ZHX3: variants seen among roughly 807,000 people sequenced by gnomAD.
ZHX3 encodes zinc fingers and homeoboxes protein 3.
Under a neutral mutation model 64.5 loss-of-function variants are expected in ZHX3, and 20 were observed. The ratio of observed to expected loss-of-function variants is 0.31; its 90% CI spans 0.22 to 0.45. ZHX3 has a LOEUF of 0.45. Ranked by LOEUF, ZHX3 falls within the 20% of genes least tolerant of loss-of-function variation. The pLI is 1.00. For synonymous variants in ZHX3, 423 were observed against 461.6 expected (o/e 0.92, Z 1.07); for missense variants, 1,041 against 1,195.8 (o/e 0.87, Z 1.91).
intron 1 of ZHX3, among the ~76,000 whole-genome samples, chr20:41,296,583 G>A (rs1287899142): frequency 2.6e-5 from 4 of 151,988 alleles, no homozygotes; most frequent in Non-Finnish European, 5.9e-5. Flanking sequence ...ACGTGCACAT[G>A]AGCTCTGCCC....
chr20:41,277,108 C>G (rs2043420052), intron 1 of ZHX3, among the ~76,000 whole-genome samples: 2 of 152,168 alleles, frequency 1.3e-5, no homozygotes, highest in Non-Finnish European at 2.9e-5. Context: ...AGGAACTTTT[C>G]TAGAGTGGCA....
intron 2 of ZHX3, among the ~76,000 whole-genome samples, chr20:41,252,139 C>T (rs1049299604): frequency 1.3e-5 from 2 of 152,144 alleles, no homozygotes; most frequent in African/African-American, 2.4e-5. Context: ...GCTGTCTATA[C>T]CTGCCTTACC....
intron 1 of ZHX3, among the ~76,000 whole-genome samples, chr20:41,287,083 C>T (rs908141362): frequency 1.3e-5 from 2 of 152,160 alleles, no homozygotes; most frequent in Non-Finnish European, 2.9e-5. Context: ...GACTAATACA[C>T]GTGAACTCTG....
chr20:41,274,572 GT>G (rs2043295884), intron 1 of ZHX3, among the ~76,000 whole-genome samples: 1 of 152,154 alleles, frequency 6.6e-6, no homozygotes, highest in Non-Finnish European at 1.5e-5. Flanking sequence ...GATACAATCT[GT>G]TTTTTGCTCA....
intron 2 of ZHX3, among the ~76,000 whole-genome samples, chr20:41,221,368 GT>G (rs2039934473): frequency 6.6e-6 from 1 of 152,166 alleles, no homozygotes; most frequent in African/African-American, 2.4e-5. Flanking sequence ...ACCAGGACTT[GT>G]ACCAAAATAC....
chr20:41,205,373 T>C (rs2038616486), intron 2 of ZHX3, among the ~76,000 whole-genome samples: 1 of 152,202 alleles, frequency 6.6e-6, no homozygotes, highest in South Asian at 2.1e-4. Context: ...AACGCCCTCT[T>C]TTTGGACCTC....
chr20:41,296,232 TAAAAAAAAAAAAAAAAAAAAAAAAA>T (rs57987896), intron 1 of ZHX3, among the ~76,000 whole-genome samples: 2 of 72,972 alleles, frequency 2.7e-5, no homozygotes, highest in Non-Finnish European at 6.0e-5. Flanking sequence ...GTTCATAAAG[TAAAAAAAAAAAAAAAAAAAAAAAAA>T]AAAAAAAAAA....
At position 41,202,950 on chromosome 20, in the gene ZHX3, A is replaced by C; in HGVS notation, c.1967T>G (p.Ile656Ser). ...RSETKMTRRE[I>S]DSWFSERRKK... ...CCGTCTCTCTGAAAACCAGCTATCA[A>C]TTTCTCGTCGGGTCATTTTGGTTTC... Residue 656 changes from isoleucine to serine, a missense_variant, in exon 3 of 4, where the codon ATT (isoleucine) becomes AGT (serine). By Grantham distance (142) the Ile-to-Ser change is moderately radical. Transcript: ENST00000683867. The surrounding 1 kb of genome is among the most constrained non-coding windows in gnomAD (Gnocchi z 7.0). The C allele has an allele frequency of 6.2e-7, 1 of 1,613,722 alleles. No homozygotes were observed. The highest frequency in any genetic ancestry group is 8.5e-7 in the Non-Finnish European group (1 of 1,179,938).
At chr20:41,220,230 A>G (rs1568846392) in intron 2 of ZHX3, among the ~76,000 whole-genome samples, 1 of 152,316 alleles carries the variant, frequency 6.6e-6, no homozygotes, top group East Asian at 1.9e-4. Flanking sequence ...GGCCTCATAG[A>G]GGAGGTTGCT....
At position 41,204,043 on chromosome 20, in the gene ZHX3, T is replaced by C. The variant is rs145301416; in HGVS notation, c.874A>G (p.Thr292Ala). 8.9e-5 allele frequency: 144 copies of C among 1,613,746 alleles called. No homozygotes were observed. The highest frequency in any genetic ancestry group is 1.1e-4 in the Non-Finnish European group (129 of 1,179,832). Residue 292 changes from threonine (T) to alanine (A), a missense_variant, in exon 3 of 4, where the codon ACG becomes GCG. This residue lies in a region of ZHX3 where 358 missense variants were observed against 369.1 expected (regional missense o/e 0.97). Coordinates refer to ENST00000683867, the MANE Select transcript of ZHX3 (RefSeq NM_001384317.1). The surrounding 1 kb of genome is among the most constrained non-coding windows in gnomAD (Gnocchi z 6.6). The stretch of plus-strand genomic sequence containing the variant: ...ATCACTTTGGGAAGGGCCTTGGCCG[T>C]GGGCAGTGGCTGGTGGACATGGTGT... ...AQHHVHQPLPTAKALPKVMIP... is the reference protein window; with the variant it reads ...AQHHVHQPLPAAKALPKVMIP...
rs190217848 is a variant in ZHX3 at position 41,233,016 on chromosome 20, G to A, written c.-150-27950C>T. ...ACATCCATCTTTATCAAGCACCTGC[G>A]ATGCATTTCTCCCTGTTACCAGGAG... On this transcript the variant is annotated intron_variant, in intron 2 of 3. Transcript: ENST00000683867. 6.0e-3 allele frequency among the ~76,000 whole-genome samples: 914 copies of A among 152,308 alleles called. 6 individuals carry two copies. The highest frequency in any genetic ancestry group is 0.01 in the Middle Eastern group (3 of 294).
At chr20:41,260,000 G>A (rs2042474485) in intron 2 of ZHX3, among the ~76,000 whole-genome samples, 1 of 152,064 alleles carries the variant, frequency 6.6e-6, no homozygotes, top group Non-Finnish European at 1.5e-5. Flanking sequence ...TGCCCAGAAT[G>A]GAATGATAGT....
At chr20:41,247,231 G>A (rs1365506184) in intron 2 of ZHX3, among the ~76,000 whole-genome samples, 2 of 152,174 alleles carry the variant, frequency 1.3e-5, no homozygotes, top group Non-Finnish European at 1.5e-5. Flanking sequence ...TCATGCCACC[G>A]CACTCCAGCC....
In ZHX3 at chr20:41,193,221, T is replaced by C. The variant is rs74273534; in HGVS notation, c.2861-8020A>G. On this transcript the variant is annotated intron_variant, in intron 3 of 3. Transcript: ENST00000683867. ...TGTAAAAATGCGACTATGCTTTTGA[T>C]AGATTTTACATTGACTCTGTAGTTT... Among the ~76,000 whole-genome samples, 6,328 of 152,346 alleles carry C rather than the reference T, an allele frequency of 0.042. 766 individuals are homozygous for C. In the East Asian group the frequency reaches 0.48, roughly 12 times the overall value.
At chr20:41,240,419 T>C (rs977199673) in intron 2 of ZHX3, among the ~76,000 whole-genome samples, 1 of 152,202 alleles carries the variant, frequency 6.6e-6, no homozygotes, top group African/African-American at 2.4e-5. Context: ...TGTAGGTACA[T>C]GGTAGGTATA....
intron 2 of ZHX3, among the ~76,000 whole-genome samples, chr20:41,217,842 T>C (rs1340610798): frequency 6.6e-6 from 1 of 152,226 alleles, no homozygotes; most frequent in Non-Finnish European, 1.5e-5. Context: ...CAGAGCCAGA[T>C]ATTCTGATTC....
At chr20:41,296,505 A>G (rs1001793739) in intron 1 of ZHX3, among the ~76,000 whole-genome samples, 24 of 152,198 alleles carry the variant, frequency 1.6e-4, no homozygotes, top group Admixed American at 1.5e-3. Flanking sequence ...GTCACAAGAA[A>G]GTCCCTAGCA....
chr20:41,210,644 C>T (rs988788901), intron 2 of ZHX3, among the ~76,000 whole-genome samples: 2 of 152,144 alleles, frequency 1.3e-5, no homozygotes, highest in Admixed American at 1.3e-4. Context: ...GGGAACTGAA[C>T]AATGAGAATA....
intron 1 of ZHX3, among the ~76,000 whole-genome samples, chr20:41,276,855 A>G (rs2043407360): frequency 6.6e-6 from 1 of 152,238 alleles, no homozygotes; most frequent in Non-Finnish European, 1.5e-5. Context: ...GACACATCCT[A>G]CATACCTGTC....
Sources: allele counts gnomAD v4.1 joint callset (sites outside exome capture counted in the v4.1 genomes callset), GRCh38; gene constraint gnomAD v4.1.1; regional missense constraint gnomAD v4.1.1; non-coding constraint Gnocchi (gnomAD v3.1); transcripts MANE v1.5; gene names NCBI Gene and HGNC (gene_info 2026-07-23, HGNC 2026-07-21).